The following AK5 variants were observed in gnomAD, a reference collection of about 807,000 sequenced individuals.
AK5 encodes adenylate kinase isoenzyme 5.
In AK5, 27 loss-of-function variants were observed where a neutral mutation model predicts 69.5. That is an observed-to-expected ratio of 0.39 (90% CI 0.29 to 0.54). AK5 has a LOEUF of 0.54. Among genes scored for constraint, AK5 ranks in the 20% least tolerant of loss-of-function variants. The pLI is 0.71. For missense variants in AK5, 531 were observed against 700.4 expected (o/e 0.76, Z 2.73); for synonymous variants, 260 against 244.4 (o/e 1.06, Z -0.60).
chr1:77,491,260 T>A (rs1456983737), intron 10 of AK5, among the ~76,000 whole-genome samples: 3 of 151,622 alleles, frequency 2.0e-5, no homozygotes, highest in Non-Finnish European at 4.4e-5. Context: ...TATAGCCATG[T>A]TGCCATTTCA....
intron 6 of AK5, among the ~76,000 whole-genome samples, chr1:77,400,845 C>G (rs1010022973): frequency 1.3e-5 from 2 of 148,808 alleles, no homozygotes; most frequent in Non-Finnish European, 3.0e-5. Flanking sequence ...ACACAGCCTT[C>G]AAGTGTTCTG....
At chr1:77,324,471 C>G (rs762381378) in intron 5 of AK5, among the ~76,000 whole-genome samples, 4 of 152,072 alleles carry the variant, frequency 2.6e-5, no homozygotes, top group South Asian at 2.1e-4. Context: ...GTACCACATT[C>G]AAATTGCAAC....
chr1:77,337,154 T>TA (rs927574465), intron 5 of AK5, among the ~76,000 whole-genome samples: 11 of 152,148 alleles, frequency 7.2e-5, no homozygotes, highest in Admixed American at 2.0e-4. Context: ...TTCAAAGTAT[T>TA]AAAAAACCAC....
At chr1:77,342,478 A>G (rs1661705105) in intron 6 of AK5, among the ~76,000 whole-genome samples, 1 of 152,230 alleles carries the variant, frequency 6.6e-6, no homozygotes, top group African/African-American at 2.4e-5. Context: ...AATGTGGATG[A>G]CAGCCTGTAA....
intron 7 of AK5, among the ~76,000 whole-genome samples, chr1:77,415,783 C>G (rs1650385874): frequency 6.6e-6 from 1 of 152,140 alleles, no homozygotes; most frequent in Non-Finnish European, 1.5e-5. Flanking sequence ...TTTCGATTGC[C>G]CTTGCTTAGA....
chr1:77,369,576 A>G (rs1647081163), intron 6 of AK5, among the ~76,000 whole-genome samples: 1 of 151,064 alleles, frequency 6.6e-6, no homozygotes, highest in Non-Finnish European at 1.5e-5. Flanking sequence ...TGTCTCCTAT[A>G]TCAACTGATC....
chr1:77,307,792 G>A (rs904871368), intron 5 of AK5, among the ~76,000 whole-genome samples: 3 of 152,196 alleles, frequency 2.0e-5, no homozygotes, highest in Non-Finnish European at 2.9e-5. Flanking sequence ...CAGGGATGAG[G>A]GAGGAGTGGC....
intron 8 of AK5, among the ~76,000 whole-genome samples, chr1:77,420,854 G>GCAGTGTAAAT (rs1204903192): frequency 1.3e-5 from 2 of 152,144 alleles, no homozygotes; most frequent in Non-Finnish European, 2.9e-5. Context: ...AAAGGACCAG[G>GCAGTGTAAAT]CAGTGTAAAT....
chr1:77,379,668 A>G (rs1049630756), intron 6 of AK5, among the ~76,000 whole-genome samples: 3 of 152,202 alleles, frequency 2.0e-5, no homozygotes, highest in African/African-American at 4.8e-5. Flanking sequence ...GGGCACATCT[A>G]TCTTTAAAGA....
intron 6 of AK5, among the ~76,000 whole-genome samples, chr1:77,385,533 T>C (rs1192375891): frequency 2.0e-5 from 3 of 152,184 alleles, no homozygotes; most frequent in Non-Finnish European, 2.9e-5. Flanking sequence ...CTCAAAATAA[T>C]AAATATTTTG....
chr1:77,486,286 T>G, intron 9 of AK5, 22 bp from the exon 10 acceptor site: 3 of 1,517,288 alleles, frequency 2.0e-6, no homozygotes, highest in Non-Finnish European at 1.8e-6. Flanking sequence ...TGCCAATAAC[T>G]TAAGTTATTC....
chr1:77,553,608 A>T (rs1659921796), intron 13 of AK5, among the ~76,000 whole-genome samples: 1 of 152,232 alleles, frequency 6.6e-6, no homozygotes, highest in African/African-American at 2.4e-5. Context: ...AGGGTGAAGA[A>T]CTTACATTAT....
At position 77,510,164 on chromosome 1, in the gene AK5, C is replaced by G. The variant is rs187057389; in HGVS notation, c.1148-8400C>G. Among the ~76,000 whole-genome samples, 551 of 152,198 alleles carry G rather than the reference C, an allele frequency of 3.6e-3. 5 individuals carry two copies. Among genetic ancestry groups the G allele is most frequent in the African/African-American group, 0.013 (527 of 41,532 alleles). On this transcript the variant is annotated intron_variant, in intron 10 of 13. Transcript: ENST00000354567. The stretch of plus-strand genomic sequence containing the variant: ...GGCCACAGGCTCCTGGACACTGGCT[C>G]TTGTTAACAATTGTCTATGACACTG...
chr1:77,430,343 G>A (rs1401858136), intron 8 of AK5, among the ~76,000 whole-genome samples: 2 of 152,158 alleles, frequency 1.3e-5, no homozygotes, highest in Non-Finnish European at 2.9e-5. Context: ...TGACTTCTGG[G>A]TTTTCAACTG....
At chr1:77,420,605 T>G (rs1291162476) in intron 8 of AK5, among the ~76,000 whole-genome samples, 2 of 152,176 alleles carry the variant, frequency 1.3e-5, no homozygotes, top group Non-Finnish European at 2.9e-5. Context: ...CCAAGGAAAT[T>G]GAAGCTCACA....
chr1:77,282,687 G>A (rs1036725639), intron 1 of AK5: 2 of 1,129,202 alleles, frequency 1.8e-6, no homozygotes, highest in Admixed American at 5.1e-5. Context: ...GACCGCGGCC[G>A]GGCCGCACTC....
chr1:77,321,864 T>A (rs1186353736), intron 5 of AK5, among the ~76,000 whole-genome samples: 1 of 152,186 alleles, frequency 6.6e-6, no homozygotes, highest in Non-Finnish European at 1.5e-5. Flanking sequence ...TTGAAATACA[T>A]GATTGTTTAC....
intron 6 of AK5, chr1:77,340,792 G>A (rs1030676571): frequency 7.3e-6 from 3 of 409,028 alleles, no homozygotes; most frequent in South Asian, 1.2e-4. Flanking sequence ...TATGAAAGAA[G>A]ATAAATTTTA....
intron 8 of AK5, among the ~76,000 whole-genome samples, chr1:77,475,399 ATATATATGTATATATATAC>A (rs1557619879): frequency 3.2e-4 from 6 of 18,768 alleles, no homozygotes; most frequent in Admixed American, 8.8e-4. Context: ...TATATATATA[ATATATATGTATATATATAC>A]TATATATTAT....
Sources: allele counts gnomAD v4.1 joint callset (sites outside exome capture counted in the v4.1 genomes callset), GRCh38; gene constraint gnomAD v4.1.1; transcripts MANE v1.5; gene names NCBI Gene and HGNC (gene_info 2026-07-23, HGNC 2026-07-21).